The following TPST1 variants were observed in gnomAD, a reference collection of about 807,000 sequenced individuals.
TPST1 encodes the protein tyrosylprotein sulfotransferase 1.
A neutral mutation model predicts 34.8 loss-of-function variants in TPST1; 20 were observed. The ratio of observed to expected loss-of-function variants is 0.57; its 90% CI spans 0.40 to 0.84. The LOEUF (loss-of-function observed/expected upper bound fraction) is 0.84. TPST1 is among the 40% of genes least tolerant of loss of function. The probability of loss-of-function intolerance (pLI) is 0.00; values close to 1 mark genes in which losing one functional copy is unlikely to be tolerated. For synonymous variants in TPST1, 152 were observed against 159.4 expected (o/e 0.95, Z 0.35); for missense variants, 353 against 455.5 (o/e 0.78, Z 2.05).
At chr7:66,228,754 A>G (rs926837311) in intron 1 of TPST1, among the ~76,000 whole-genome samples, 3 of 152,198 alleles carry the variant, frequency 2.0e-5, no homozygotes, top group Non-Finnish European at 4.4e-5. Flanking sequence ...TTTGCTTCAT[A>G]TATTTCTATC....
chr7:66,204,584 G>A (rs1789082366), upstream of TPST1, among the ~76,000 whole-genome samples: 1 of 152,226 alleles, frequency 6.6e-6, no homozygotes, highest in Non-Finnish European at 1.5e-5. Flanking sequence ...CATGTCACTG[G>A]AGTAGAAATA....
chr7:66,348,003 A>G (rs1354535293), intron 3 of TPST1, among the ~76,000 whole-genome samples: 1 of 152,172 alleles, frequency 6.6e-6, no homozygotes, highest in Non-Finnish European at 1.5e-5. Flanking sequence ...AGAATGAAAT[A>G]TTTAAAGTAT....
At chr7:66,255,020 G>A (rs993087081) in intron 2 of TPST1, among the ~76,000 whole-genome samples, 48 of 151,922 alleles carry the variant, frequency 3.2e-4, no homozygotes, top group African/African-American at 8.9e-4. Context: ...GGTGGCGGGC[G>A]CCTGTAGTCC....
chr7:66,214,452 T>G (rs1056297379), intron 1 of TPST1, among the ~76,000 whole-genome samples: 2 of 151,730 alleles, frequency 1.3e-5, no homozygotes, highest in Admixed American at 1.3e-4. Flanking sequence ...TGCAATTTAT[T>G]TTTGTAGTGT....
chr7:66,339,603 A>G (rs2116319858), intron 3 of TPST1, among the ~76,000 whole-genome samples: 1 of 152,258 alleles, frequency 6.6e-6, no homozygotes, highest in South Asian at 2.1e-4. Context: ...AAAATCCTCA[A>G]CAAAATACTA....
At chr7:66,232,853 T>TA (rs1277293396) in intron 1 of TPST1, among the ~76,000 whole-genome samples, 1 of 152,202 alleles carries the variant, frequency 6.6e-6, no homozygotes, top group Non-Finnish European at 1.5e-5. Flanking sequence ...ATGAGGGTTC[T>TA]AATTTAACCA....
chr7:66,272,261 A>G (rs1202719768), intron 2 of TPST1, among the ~76,000 whole-genome samples: 1 of 152,232 alleles, frequency 6.6e-6, no homozygotes. Context: ...ATTTATAAGG[A>G]TCATTCACCA....
At chr7:66,354,184 G>A (rs1214062905) in intron 4 of TPST1, among the ~76,000 whole-genome samples, 1 of 152,134 alleles carries the variant, frequency 6.6e-6, no homozygotes, top group Non-Finnish European at 1.5e-5. Context: ...CAGACAAGGG[G>A]ACACAGAGCT....
At chr7:66,306,968 G>A (rs917105860) in intron 3 of TPST1, among the ~76,000 whole-genome samples, 4 of 152,118 alleles carry the variant, frequency 2.6e-5, no homozygotes, top group African/African-American at 9.7e-5. Flanking sequence ...ACCCACTTCA[G>A]CCTCCCCACA....
At position 66,219,591 on chromosome 7, in the gene TPST1, G is replaced by A. The variant is rs571562479; in HGVS notation, c.-102+14069G>A. On this transcript the variant is annotated intron_variant, in intron 1 of 5. Coordinates refer to ENST00000304842, the MANE Select transcript of TPST1 (RefSeq NM_003596.4). ...CTGTCATTCTAATTAGATCTGAGGT[G>A]GTCATGATAGGACAATTCTGGAGAA... Among the ~76,000 whole-genome samples, 13 of 152,274 alleles carry A rather than the reference G, an allele frequency of 8.5e-5. No individual in the cohort carries two copies. In the South Asian group the frequency reaches 2.7e-3, roughly 32 times the overall value.
chr7:66,231,366 G>T (rs887656206), intron 1 of TPST1, among the ~76,000 whole-genome samples: 4 of 152,228 alleles, frequency 2.6e-5, no homozygotes, highest in African/African-American at 7.2e-5. Flanking sequence ...CTCGCACTCC[G>T]CAGGCCTTGG....
Position 66,227,146 on chromosome 7 carries a change from C to T in TPST1, c.-101-13179C>T, listed in dbSNP as rs181553672. Among the ~76,000 whole-genome samples the T allele has an allele frequency of 1.6e-4, 22 of 140,644 alleles. No homozygotes were observed. In the East Asian group the frequency reaches 4.4e-3, roughly 28 times the overall value. 92.3% of individuals were successfully genotyped at this position (140,644 alleles called of 152,430 possible). The stretch of plus-strand genomic sequence containing the variant: ...CCTCCTGGGTTCAAGCAATTTTCTG[C>T]CTCAGCCTCCCGAGTAGCTGGGATT... On this transcript the variant is annotated intron_variant, in intron 1 of 5. Transcript: ENST00000304842.
rs202078150 is a variant in TPST1 at position 66,232,465 on chromosome 7, C to T, written c.-101-7860C>T. Among the ~76,000 whole-genome samples the T allele has an allele frequency of 5.5e-4, 83 of 152,072 alleles. No homozygotes were observed. The East Asian group carries it at 9.3e-3, about 17-fold the overall frequency. On this transcript the variant is annotated intron_variant, in intron 1 of 5. Coordinates refer to ENST00000304842, the MANE Select transcript of TPST1 (RefSeq NM_003596.4). ...TCCACTCACTGCAAGCTCTGCCTCC[C>T]GGGTTCACGCCATTCTCCTGCCTCA...
chr7:66,210,422 G>T (rs555854195), intron 1 of TPST1, among the ~76,000 whole-genome samples: 1 of 152,354 alleles, frequency 6.6e-6, no homozygotes, highest in Admixed American at 6.5e-5. Flanking sequence ...AGGTGAGATT[G>T]CCTGGTTCAG....
At chr7:66,263,395 CTCTT>C (rs1790527295) in intron 2 of TPST1, among the ~76,000 whole-genome samples, 1 of 152,124 alleles carries the variant, frequency 6.6e-6, no homozygotes, top group Non-Finnish European at 1.5e-5. Flanking sequence ...GCAGTGGTAA[CTCTT>C]TCTGGCCTAA....
intron 1 of TPST1, among the ~76,000 whole-genome samples, chr7:66,210,732 G>A (rs182913795): frequency 1.3e-5 from 2 of 152,346 alleles, no homozygotes; most frequent in African/African-American, 4.8e-5. Flanking sequence ...GGCAGATTGA[G>A]GTGGGAGGAT....
intron 2 of TPST1, among the ~76,000 whole-genome samples, chr7:66,258,545 T>A (rs1280780153): frequency 6.6e-6 from 1 of 152,228 alleles, no homozygotes; most frequent in African/African-American, 2.4e-5. Context: ...CTGGTTCATG[T>A]GCAAAATTAC....
chr7:66,232,350 G>A (rs1187010593), intron 1 of TPST1, among the ~76,000 whole-genome samples: 8 of 151,350 alleles, frequency 5.3e-5, no homozygotes, highest in Admixed American at 5.3e-4. Flanking sequence ...CCACAGGCAC[G>A]TGCCACCATG....
At chr7:66,242,179 A>G (rs1214016538) in intron 2 of TPST1, among the ~76,000 whole-genome samples, 4 of 152,278 alleles carry the variant, frequency 2.6e-5, no homozygotes, top group African/African-American at 7.2e-5. Flanking sequence ...GCATCTCTTC[A>G]TGAAGAAGAG....
Sources: gnomAD v4.1 joint callset for allele counts (sites outside exome capture counted in the v4.1 genomes callset) on GRCh38, gnomAD v4.1.1 for gene constraint, MANE v1.5 for transcripts, NCBI Gene and HGNC (gene_info 2026-07-23, HGNC 2026-07-21) for gene names.